Variants in CDHR3 observed in about 807,000 individuals in gnomAD.
CDHR3 encodes the protein cadherin-related family member 3.
Under a neutral mutation model 86.6 loss-of-function variants are expected in CDHR3, and 79 were observed. The ratio of observed to expected loss-of-function variants is 0.91; its 90% CI spans 0.76 to 1.10. The LOEUF (loss-of-function observed/expected upper bound fraction) is 1.10. CDHR3 is among the 50% of genes least tolerant of loss of function. The pLI is 0.00. For missense variants in CDHR3, 1,081 were observed against 1,077.6 expected (o/e 1.00, Z -0.04); for synonymous variants, 421 against 402.4 (o/e 1.05, Z -0.55).
chr7:105,974,069 C>T (rs531913535), intron 1 of CDHR3, among the ~76,000 whole-genome samples: 1 of 152,356 alleles, frequency 6.6e-6, no homozygotes, highest in South Asian at 2.1e-4. Context: ...GAGAATACAG[C>T]TTGTTCCTTT....
At chr7:106,031,794 GAA>G (rs369328785) in intron 18 of CDHR3, among the ~76,000 whole-genome samples, 9 of 137,638 alleles carry the variant, frequency 6.5e-5, no homozygotes, top group Admixed American at 7.3e-5. Context: ...GTAGTTGAGA[GAA>G]AAAAAAAAAA....
intron 4 of CDHR3, among the ~76,000 whole-genome samples, chr7:105,985,952 G>A (rs1197031230): frequency 6.6e-6 from 1 of 152,130 alleles, no homozygotes; most frequent in Non-Finnish European, 1.5e-5. Flanking sequence ...CAGGAGCCTG[G>A]GCTCTTCCTA....
chr7:105,999,456 C>T (rs748713334), intron 6 of CDHR3, among the ~76,000 whole-genome samples: 2 of 152,140 alleles, frequency 1.3e-5, no homozygotes, highest in Non-Finnish European at 2.9e-5. Flanking sequence ...GCCAGGTACC[C>T]CATTGTAGAG....
chr7:106,030,807 A>G lies in CDHR3; in HGVS notation c.2320A>G (p.Asn774Asp). ...TTCTCCTTAGGAAACTATCCAGATG[A>G]ACACTATCTTTGATGGAGAAGCCAT... Reference protein sequence around the residue: ...RDVVVETIQMNTIFDGEAIDP... With the variant: ...RDVVVETIQMDTIFDGEAIDP... Residue 774 changes from asparagine to aspartate, a missense_variant, in exon 18 of 19, where the codon AAC becomes GAC. Physicochemically the swap from Asn to Asp is conservative, Grantham distance 23 (BLOSUM62 1). Coordinates refer to ENST00000317716, the MANE Select transcript of CDHR3 (RefSeq NM_152750.5). The surrounding 1 kb of genome is among the most constrained non-coding windows in gnomAD (Gnocchi z 4.8). 1 of 1,611,798 alleles carries G rather than the reference A, an allele frequency of 6.2e-7. No individual in the cohort carries two copies.
chr7:106,026,547 C>T, intron 15 of CDHR3, 135 bp from the exon 16 acceptor site: 1 of 845,022 alleles, frequency 1.2e-6, no homozygotes, highest in Non-Finnish European at 2.0e-6. Flanking sequence ...TTTCTGGCCC[C>T]TATCCCTGGC....
At chr7:105,989,681 C>A (rs1831068495) in intron 4 of CDHR3, among the ~76,000 whole-genome samples, 1 of 152,118 alleles carries the variant, frequency 6.6e-6, no homozygotes, top group Admixed American at 6.5e-5. Flanking sequence ...TCAAGGGTCC[C>A]AGCTGGATGG....
chr7:106,027,659 T>TA (rs199801202), intron 16 of CDHR3: 29,512 of 377,314 alleles, frequency 0.078, 201 homozygotes, highest in South Asian at 0.17. Context: ...GTGTTTTAAT[T>TA]AAAAAAAAAA....
chr7:105,989,322 G>A (rs369424274), intron 4 of CDHR3, among the ~76,000 whole-genome samples: 1 of 146,554 alleles, frequency 6.8e-6, no homozygotes, highest in African/African-American at 2.5e-5. Context: ...AATGGCCACC[G>A]TGACTGCAGA....
chr7:105,963,865 C>T (rs1326774790), intron 1 of CDHR3, among the ~76,000 whole-genome samples: 1 of 152,178 alleles, frequency 6.6e-6, no homozygotes. Context: ...GATCATTTTA[C>T]TCTCTCTTCC....
In CDHR3 at chr7:106,015,162, A is replaced by G; in HGVS notation, c.1276A>G (p.Lys426Glu). 1 of 1,611,856 alleles carries G rather than the reference A, an allele frequency of 6.2e-7. No individual in the cohort carries two copies. Among genetic ancestry groups the G allele is most frequent in the Non-Finnish European group, 8.5e-7 (1 of 1,179,102 alleles). The part of the protein sequence containing the change: ...ENPSNLAAGN[K>E]YTVIIQVQDV... Reference sequence around the variant, plus strand: ...TCCAAGTAACCTAGCAGCCGGCAATAAATATACGGTGATAATCCAGGTGCA... The same window carrying G: ...TCCAAGTAACCTAGCAGCCGGCAATGAATATACGGTGATAATCCAGGTGCA... Residue 426 changes from lysine (K) to glutamate (E), a missense_variant, in exon 10 of 19, where the codon AAA becomes GAA. Lys to Glu is a moderately conservative substitution (Grantham distance 56). Transcript: ENST00000317716.
rs118123474 is a variant in CDHR3, at chr7:105,981,287, A to G, written c.415+154A>G. On this transcript the variant is annotated intron_variant, in intron 3 of 18. Transcript: ENST00000317716. ...GCAGGGAATAAATGAAATGTCCTCC[A>G]GCTCAACACTCCCAATAATAATGTC... Among the ~76,000 whole-genome samples the G allele has an allele frequency of 5.0e-3, 768 of 152,348 alleles. 2 individuals are homozygous for G. Among genetic ancestry groups the G allele is most frequent in the Non-Finnish European group, 8.2e-3 (555 of 68,034 alleles).
chr7:106,017,976 A>T lies in CDHR3; in HGVS notation c.1557A>T (p.Gly519=). 1 of 1,613,960 alleles carries T rather than the reference A, an allele frequency of 6.2e-7. No homozygotes were observed. The highest frequency in any genetic ancestry group is 8.5e-7 in the Non-Finnish European group (1 of 1,179,890). The change falls in exon 12 of 19, where the codon GGA becomes GGT. Residue 519 remains glycine, a synonymous_variant. Transcript: ENST00000317716. The part of the protein sequence containing the change: ...PNVFWINPKT[G]ELQLVTKVDC... The stretch of plus-strand genomic sequence containing the variant: ...TATTTTGGATTAATCCCAAGACAGG[A>T]GAACTCCAGCTGGTAACTAAAGTGG...
In CDHR3 at chr7:106,024,519, C is replaced by A; in HGVS notation, c.2215C>A (p.His739Asn). Residue 739 changes from histidine (H) to asparagine (N), a missense_variant, in exon 15 of 19, where the codon CAC becomes AAC. Coordinates refer to ENST00000317716, the MANE Select transcript of CDHR3 (RefSeq NM_152750.5). Reference protein sequence around the residue: ...YLVVLLAKAIHRHCPCKTGKN... With the variant: ...YLVVLLAKAINRHCPCKTGKN... ...GGTCGTCCTATTGGCCAAAGCCATC[C>A]ACAGACACTGCCCCTGCAAGACTGG... 1 of 1,614,042 alleles carries A rather than the reference C, an allele frequency of 6.2e-7. No individual in the cohort carries two copies. The highest frequency in any genetic ancestry group is 8.5e-7 in the Non-Finnish European group (1 of 1,179,900).
At chr7:105,998,445 A>G (rs1372695673) in intron 6 of CDHR3, among the ~76,000 whole-genome samples, 3 of 152,234 alleles carry the variant, frequency 2.0e-5, no homozygotes, top group Admixed American at 1.3e-4. Flanking sequence ...TTATAGATTC[A>G]GGATGCATGC....
chr7:105,973,172 C>T (rs1197770477), intron 1 of CDHR3, among the ~76,000 whole-genome samples: 1 of 152,092 alleles, frequency 6.6e-6, no homozygotes, highest in Non-Finnish European at 1.5e-5. Flanking sequence ...TAAATCTTGG[C>T]TCTGTTATTT....
chr7:106,004,528 T>G lies in CDHR3; in HGVS notation c.893T>G (p.Ile298Arg). The change falls in exon 8 of 19, where the codon ATA (isoleucine) becomes AGA (arginine). Residue 298 changes from isoleucine (I) to arginine (R), a missense_variant. Coordinates refer to ENST00000317716, the MANE Select transcript of CDHR3 (RefSeq NM_152750.5). ...GGTACAATCCAAGTGGCCCAAAGGA[T>G]AGACCGAGATGCAGGTGAATTGAGA... is the stretch of plus-strand genomic sequence containing the variant. ...LTGTIQVAQR[I>R]DRDAGELRQN... 1 of 1,614,022 alleles carries G rather than the reference T, an allele frequency of 6.2e-7. No individual in the cohort carries two copies. The highest frequency in any genetic ancestry group is 1.3e-5 in the African/African-American group (1 of 75,052).
In CDHR3 at chr7:106,013,042, G is replaced by A; in HGVS notation, c.1224+11G>A. 1 of 1,574,956 alleles carries A rather than the reference G, an allele frequency of 6.3e-7. No individual in the cohort carries two copies. On this transcript the variant is annotated intron_variant, in intron 9 of 18. Transcript: ENST00000317716. ...TCTGGGAAGATTGTGGTCAGTTAATGGTCATTGCATCATTAAAAGGGCATC... is the reference window on the plus strand; with the variant it reads ...TCTGGGAAGATTGTGGTCAGTTAATAGTCATTGCATCATTAAAAGGGCATC...
In CDHR3 at chr7:105,969,103, A is replaced by C. The variant is rs1267740249; in HGVS notation, c.46+5739A>C. Among the ~76,000 whole-genome samples the C allele has an allele frequency of 2.1e-5, 3 of 143,492 alleles. No individual in the cohort carries two copies. In the East Asian group the frequency reaches 6.6e-4, roughly 32 times the overall value. 94.1% of individuals were successfully genotyped at this position (143,492 alleles called of 152,430 possible). A position where few individuals can be genotyped will look rare whatever the true frequency, so the allele number is the denominator to read the frequency against. Reference sequence around the variant, plus strand: ...ACTCCGTCTCAAAATAAAAATAAAAATAAAAAAAGTGGGCCGGGCGTGGTG... The same window carrying C: ...ACTCCGTCTCAAAATAAAAATAAAACTAAAAAAAGTGGGCCGGGCGTGGTG... On this transcript the variant is annotated intron_variant, in intron 1 of 18. Transcript: ENST00000317716.
chr7:106,032,955 A>C lies in CDHR3; in HGVS notation c.*258A>C. 3 of 470,416 alleles carry C rather than the reference A, an allele frequency of 6.4e-6. No homozygotes were observed. The highest frequency in any genetic ancestry group is 1.1e-5 in the Non-Finnish European group (3 of 264,288). 29.1% of individuals were successfully genotyped at this position (470,416 alleles called of 1,614,324 possible). ...TGTGCTTCTGATAAGCAAGACTGTT[A>C]ACTTTGGGGTGTGGAATTGTTGTGT... On this transcript the variant is annotated 3_prime_UTR_variant, in exon 19 of 19. Coordinates refer to ENST00000317716, the MANE Select transcript of CDHR3 (RefSeq NM_152750.5).
Sources: allele counts gnomAD v4.1 joint callset (sites outside exome capture counted in the v4.1 genomes callset), GRCh38; gene constraint gnomAD v4.1.1; non-coding constraint Gnocchi (gnomAD v3.1); transcripts MANE v1.5; gene names NCBI Gene and HGNC (gene_info 2026-07-23, HGNC 2026-07-21).